FAM13A: variants seen among roughly 807,000 people sequenced by gnomAD.
FAM13A encodes the protein family with sequence similarity 13 member A.
FAM13A carries 76 observed loss-of-function variants against 129.6 expected under a neutral mutation model. The ratio of observed to expected loss-of-function variants is 0.59; its 90% CI spans 0.49 to 0.71. FAM13A has a LOEUF of 0.71. FAM13A is among the 30% of genes least tolerant of loss of function. FAM13A has a pLI of 0.00. For synonymous variants in FAM13A, 443 were observed against 449.9 expected (o/e 0.98, Z 0.20); for missense variants, 1,108 against 1,249.3 (o/e 0.89, Z 1.70).
intron 11 of FAM13A, among the ~76,000 whole-genome samples, chr4:88,775,151 A>C (rs1721423747): frequency 6.6e-6 from 1 of 152,200 alleles, no homozygotes; most frequent in South Asian, 2.1e-4. Context: ...AGAAGAAAAC[A>C]GTCATTGTGG....
intron 5 of FAM13A, among the ~76,000 whole-genome samples, chr4:88,928,594 T>C (rs958216734): frequency 6.6e-6 from 1 of 152,162 alleles, no homozygotes; most frequent in Non-Finnish European, 1.5e-5. Context: ...TAAAGTTTGT[T>C]TTATCTGATA....
intron 11 of FAM13A, among the ~76,000 whole-genome samples, chr4:88,775,846 C>T (rs1285605885): frequency 1.3e-5 from 2 of 152,200 alleles, no homozygotes; most frequent in Non-Finnish European, 2.9e-5. Flanking sequence ...TTCTTTAGCA[C>T]ATTTAGTTGC....
intron 4 of FAM13A, among the ~76,000 whole-genome samples, chr4:88,973,814 T>C (rs556867532): frequency 2.0e-5 from 3 of 152,132 alleles, no homozygotes; most frequent in Non-Finnish European, 2.9e-5. Context: ...TACAGCCCCA[T>C]GATTAGGTCT....
In FAM13A at chr4:88,920,963, G is replaced by C. The variant is rs530038465; in HGVS notation, c.760-14501C>G. ...AGAAAGGGTATCAGTGATGGAAGAT[G>C]AAATGAATGAAATGAAGCGAGAAGG... On this transcript the variant is annotated intron_variant, in intron 5 of 23. Coordinates refer to ENST00000264344, the MANE Select transcript of FAM13A (RefSeq NM_014883.4). Among the ~76,000 whole-genome samples the C allele has an allele frequency of 1.2e-4, 18 of 152,184 alleles. No individual in the cohort carries two copies. In the South Asian group the frequency reaches 1.7e-3, roughly 14 times the overall value.
intron 1 of FAM13A, among the ~76,000 whole-genome samples, chr4:89,047,455 T>A (rs550002207): frequency 6.6e-6 from 1 of 151,992 alleles, no homozygotes; most frequent in Non-Finnish European, 1.5e-5. Context: ...GATGGTAGAG[T>A]GAAGAGGTCT....
At chr4:88,750,780 G>A (rs1414007767) in intron 14 of FAM13A, 143 bp from the exon 15 acceptor site, 4 of 631,816 alleles carry the variant, frequency 6.3e-6, no homozygotes, top group Non-Finnish European at 1.1e-5. Flanking sequence ...TAAGGTCCAG[G>A]CTAAGGACAC....
chr4:88,767,606 T>C lies in FAM13A; in HGVS notation c.1536-11A>G, dbSNP rs1224232707. 1 of 1,586,246 alleles carries C rather than the reference T, an allele frequency of 6.3e-7. No individual in the cohort carries two copies. Among genetic ancestry groups the C allele is most frequent in the Admixed American group, 1.9e-5 (1 of 53,062 alleles). Reference sequence around the variant, plus strand: ...TTTTCATTTCCTTTCCTATAAATAATGGCAACAACAAAAAAATCATAAAAT... The same window carrying C: ...TTTTCATTTCCTTTCCTATAAATAACGGCAACAACAAAAAAATCATAAAAT... On this transcript the variant is annotated splice_polypyrimidine_tract_variant and intron_variant, in intron 12 of 23. Coordinates refer to ENST00000264344, the MANE Select transcript of FAM13A (RefSeq NM_014883.4).
intron 11 of FAM13A, among the ~76,000 whole-genome samples, chr4:88,779,032 C>A (rs1722319581): frequency 6.6e-6 from 1 of 152,156 alleles, no homozygotes; most frequent in African/African-American, 2.4e-5. Flanking sequence ...GGTTCCTGTC[C>A]CCATTCCCTG....
intron 4 of FAM13A, among the ~76,000 whole-genome samples, chr4:88,960,804 CAT>C (rs1306206891): frequency 6.6e-6 from 1 of 152,154 alleles, no homozygotes; most frequent in Admixed American, 6.5e-5. Context: ...TTGCTGAAAA[CAT>C]GTAACAATTT....
intron 7 of FAM13A, among the ~76,000 whole-genome samples, chr4:88,814,738 C>T (rs768709738): frequency 1.6e-4 from 24 of 152,036 alleles, no homozygotes; most frequent in African/African-American, 5.3e-4. Flanking sequence ...TTTTTCTAAA[C>T]GCTTAATTTT....
At chr4:88,905,452 A>T (rs749531615) in intron 6 of FAM13A, among the ~76,000 whole-genome samples, 1 of 152,214 alleles carries the variant, frequency 6.6e-6, no homozygotes, top group Non-Finnish European at 1.5e-5. Flanking sequence ...TGTGAAGGTT[A>T]CATAGGTAAA....
chr4:88,854,575 G>A (rs1327569002), intron 6 of FAM13A, among the ~76,000 whole-genome samples: 1 of 152,126 alleles, frequency 6.6e-6, no homozygotes, highest in East Asian at 1.9e-4. Context: ...AGTAACTTTT[G>A]TATGTGAAGG....
At chr4:88,932,328 G>GT (rs1427217902) in intron 5 of FAM13A, among the ~76,000 whole-genome samples, 9 of 152,184 alleles carry the variant, frequency 5.9e-5, no homozygotes, top group African/African-American at 2.2e-4. Context: ...GTTACTGTCA[G>GT]TAGTAAATGA....
intron 5 of FAM13A, among the ~76,000 whole-genome samples, chr4:88,909,182 G>A (rs1664617621): frequency 6.6e-6 from 1 of 151,996 alleles, no homozygotes; most frequent in Admixed American, 6.6e-5. Flanking sequence ...GCCTAAAAGT[G>A]GTGACAATCC....
intron 17 of FAM13A, 113 bp from the exon 18 acceptor site, chr4:88,747,964 A>G (rs7658214): frequency 0.35 from 244,044 of 698,668 alleles, 49,711 homozygotes; most frequent in African/African-American, 0.68. Flanking sequence ...ATCTCGGCTC[A>G]CTGCAAGCTC....
At chr4:88,814,628 T>C (rs910815350) in intron 7 of FAM13A, among the ~76,000 whole-genome samples, 10 of 152,206 alleles carry the variant, frequency 6.6e-5, no homozygotes, top group Non-Finnish European at 1.0e-4. Flanking sequence ...CAGCATTTAG[T>C]TTCTAATTTT....
chr4:88,882,789 C>G (rs1743800684), intron 6 of FAM13A, among the ~76,000 whole-genome samples: 2 of 152,038 alleles, frequency 1.3e-5, no homozygotes, highest in Admixed American at 1.3e-4. Context: ...CACATAAAGA[C>G]TCACATAAAC....
intron 3 of FAM13A, among the ~76,000 whole-genome samples, chr4:89,012,658 T>C (rs1186395709): frequency 1.3e-5 from 2 of 152,190 alleles, no homozygotes; most frequent in African/African-American, 4.8e-5. Flanking sequence ...ATCTACAAGA[T>C]GTTAAGGGTC....
chr4:88,754,230 G>A lies in FAM13A; in HGVS notation c.1727-3593C>T, dbSNP rs536045607. ...AGGTCAGTTGACATTGCAGCAGGTC[G>A]GAAATAACAGAGATAAAAGCTGCAT... is the stretch of plus-strand genomic sequence containing the variant. On this transcript the variant is annotated intron_variant, in intron 14 of 23. Transcript: ENST00000264344. Among the ~76,000 whole-genome samples the A allele has an allele frequency of 7.2e-5, 11 of 152,174 alleles. No individual in the cohort carries two copies. In the East Asian group the frequency reaches 1.2e-3, roughly 16 times the overall value.
Sources: allele counts gnomAD v4.1 joint callset (sites outside exome capture counted in the v4.1 genomes callset), GRCh38; gene constraint gnomAD v4.1.1; transcripts MANE v1.5; gene names NCBI Gene and HGNC (gene_info 2026-07-23, HGNC 2026-07-21).